Variants in EYS observed in about 807,000 individuals in gnomAD.
EYS encodes protein eyes shut homolog.
A neutral mutation model predicts 282.1 loss-of-function variants in EYS; 250 were observed. The observed-to-expected ratio is 0.89, with a 90% confidence interval of 0.80 to 0.98. The LOEUF is 0.98. Among genes scored for constraint, EYS ranks in the 50% least tolerant of loss-of-function variants. The probability of loss-of-function intolerance (pLI) is 0.00; values close to 1 mark genes in which losing one functional copy is unlikely to be tolerated. For missense variants in EYS, 4,016 were observed against 3,709.0 expected, an observed-to-expected ratio of 1.08 and a Z score of -2.15; for synonymous variants, 1,355 against 1,282.9, an observed-to-expected ratio of 1.06 and a Z score of -1.20.
intron 31 of EYS, among the ~76,000 whole-genome samples, chr6:64,153,639 A>G (rs1285166299): frequency 6.6e-6 from 1 of 152,236 alleles, no homozygotes; most frequent in East Asian, 1.9e-4. Flanking sequence ...ATTAAAAATA[A>G]AATCAGACAA....
intron 26 of EYS, among the ~76,000 whole-genome samples, chr6:64,522,404 A>G (rs1777772567): frequency 6.6e-6 from 1 of 151,726 alleles, no homozygotes; most frequent in Non-Finnish European, 1.5e-5. Flanking sequence ...ATAAACTGAG[A>G]CTTAAAGGGG....
At chr6:64,423,092 T>C (rs890121491) in intron 28 of EYS, among the ~76,000 whole-genome samples, 21 of 152,176 alleles carry the variant, frequency 1.4e-4, no homozygotes, top group African/African-American at 5.1e-4. Context: ...GATTTACTGA[T>C]TTTTCTGCAA....
intron 22 of EYS, among the ~76,000 whole-genome samples, chr6:64,628,035 A>T (rs1333850418): frequency 1.3e-5 from 2 of 152,184 alleles, no homozygotes; most frequent in Non-Finnish European, 2.9e-5. Context: ...AGCCCAGATC[A>T]CGCCACTGCA....
At chr6:64,808,832 A>G (rs952548281) in intron 22 of EYS, among the ~76,000 whole-genome samples, 2 of 152,140 alleles carry the variant, frequency 1.3e-5, no homozygotes, top group Non-Finnish European at 2.9e-5. Flanking sequence ...TTAAAATAAT[A>G]AAATGTTTTC....
At chr6:65,198,913 G>A (rs1177869414) in intron 12 of EYS, among the ~76,000 whole-genome samples, 1 of 152,078 alleles carries the variant, frequency 6.6e-6, no homozygotes, top group Non-Finnish European at 1.5e-5. Context: ...AGACATCAGA[G>A]ATGTCTCCTA....
intron 11 of EYS, among the ~76,000 whole-genome samples, chr6:65,321,429 T>A (rs1769473706): frequency 6.6e-6 from 1 of 151,990 alleles, no homozygotes; most frequent in African/African-American, 2.4e-5. Context: ...ACAAGCCAGC[T>A]AGAATAAATA....
chr6:64,984,732 C>G (rs545687518), intron 14 of EYS, among the ~76,000 whole-genome samples: 1 of 151,490 alleles, frequency 6.6e-6, no homozygotes, highest in Admixed American at 6.6e-5. Flanking sequence ...CTCTGCCTTA[C>G]AGTGCAGCCA....
At chr6:63,861,952 G>T (rs1772544660) in intron 36 of EYS, among the ~76,000 whole-genome samples, 1 of 152,194 alleles carries the variant, frequency 6.6e-6, no homozygotes, top group African/African-American at 2.4e-5. Flanking sequence ...TGGAGTGAAT[G>T]AAGACATTTA....
chr6:64,775,341 C>T (rs1038826840), intron 22 of EYS, among the ~76,000 whole-genome samples: 2 of 151,910 alleles, frequency 1.3e-5, no homozygotes, highest in Admixed American at 1.3e-4. Context: ...TAATTTTTGA[C>T]ATGCTTTTAC....
chr6:65,470,120 T>C (rs537074547), intron 5 of EYS, among the ~76,000 whole-genome samples: 1 of 152,278 alleles, frequency 6.6e-6, no homozygotes, highest in South Asian at 2.1e-4. Context: ...GAAGAGTATA[T>C]GCCAGCAATT....
At chr6:64,113,324 T>C (rs1773268572) in intron 31 of EYS, among the ~76,000 whole-genome samples, 2 of 152,286 alleles carry the variant, frequency 1.3e-5, no homozygotes, top group South Asian at 2.1e-4. Context: ...TACTGGCGTT[T>C]GAATCTCAGA....
At chr6:65,700,405 A>G (rs997518269) in intron 1 of EYS, among the ~76,000 whole-genome samples, 1 of 152,154 alleles carries the variant, frequency 6.6e-6, no homozygotes, top group Non-Finnish European at 1.5e-5. Context: ...CCCAGGAATC[A>G]AGTAGGCTAC....
chr6:64,551,764 T>G (rs1210119430), intron 26 of EYS, among the ~76,000 whole-genome samples: 1 of 152,100 alleles, frequency 6.6e-6, no homozygotes, highest in Non-Finnish European at 1.5e-5. Context: ...TTTTCCTTTA[T>G]AGAAAAAATT....
rs567817555 is a variant in EYS at position 63,810,700 on chromosome 6, C to T, written c.7229-4328G>A. Among the ~76,000 whole-genome samples the T allele has an allele frequency of 2.6e-4, 40 of 152,304 alleles. No individual in the cohort carries two copies. The South Asian group carries it at 4.3e-3, about 17-fold the overall frequency. ...AGCCCATGGCTGAAGAAAACACACT[C>T]GAGCTAAACATACAATTCAAGTGGG... On this transcript the variant is annotated intron_variant, in intron 36 of 42. Transcript: ENST00000503581.
intron 12 of EYS, among the ~76,000 whole-genome samples, chr6:65,272,801 A>T (rs1423697598): frequency 6.6e-6 from 1 of 152,212 alleles, no homozygotes; most frequent in Admixed American, 6.6e-5. Context: ...CTTGACATTA[A>T]AAAGTATAAC....
chr6:64,882,718 C>A (rs1766961086), intron 19 of EYS, among the ~76,000 whole-genome samples: 2 of 151,484 alleles, frequency 1.3e-5, no homozygotes, highest in African/African-American at 4.8e-5. Context: ...GCTTTTACAT[C>A]TTTTATTTCC....
At chr6:64,483,056 C>T (rs1160766207) in intron 26 of EYS, among the ~76,000 whole-genome samples, 2 of 151,552 alleles carry the variant, frequency 1.3e-5, no homozygotes, top group Non-Finnish European at 3.0e-5. Context: ...GTTATGTTTC[C>T]TGTGTCTAGG....
intron 31 of EYS, among the ~76,000 whole-genome samples, chr6:64,200,510 C>T (rs538493096): frequency 6.6e-6 from 1 of 152,086 alleles, no homozygotes; most frequent in South Asian, 2.1e-4. Flanking sequence ...GCATACTAGC[C>T]TATGGTAAGT....
At chr6:64,901,004 A>G (rs117094134) in intron 18 of EYS, among the ~76,000 whole-genome samples, 1 of 152,086 alleles carries the variant, frequency 6.6e-6, no homozygotes, top group East Asian at 1.9e-4. Context: ...ATGCCCATCA[A>G]TGTTATACTG....
Sources: gnomAD v4.1 joint callset for allele counts (sites outside exome capture counted in the v4.1 genomes callset) on GRCh38, gnomAD v4.1.1 for gene constraint, MANE v1.5 for transcripts, NCBI Gene and HGNC (gene_info 2026-07-23, HGNC 2026-07-21) for gene names.